The following MAP3K20 variants were observed in gnomAD, a reference collection of about 807,000 sequenced individuals.
MAP3K20 encodes the protein mitogen-activated protein kinase kinase kinase 20.
MAP3K20 carries 40 observed loss-of-function variants against 85.7 expected under a neutral mutation model. The observed-to-expected ratio is 0.47, with a 90% confidence interval of 0.36 to 0.61. The LOEUF is 0.61. Ranked by LOEUF, MAP3K20 falls within the 20% of genes least tolerant of loss-of-function variation. The probability of loss-of-function intolerance (pLI) is 0.00; values close to 1 mark genes in which losing one functional copy is unlikely to be tolerated. For synonymous variants in MAP3K20, 325 were observed against 327.7 expected (o/e 0.99, Z 0.09); for missense variants, 817 against 961.7 (o/e 0.85, Z 1.99).
At chr2:173,261,828 G>A (rs1419685684) in intron 18 of MAP3K20, among the ~76,000 whole-genome samples, 3 of 151,938 alleles carry the variant, frequency 2.0e-5, no homozygotes, top group African/African-American at 7.3e-5. Context: ...ACCAGCCTGG[G>A]CAGCATTATG....
At chr2:173,140,642 A>C (rs1047605717) in intron 2 of MAP3K20, among the ~76,000 whole-genome samples, 2 of 152,166 alleles carry the variant, frequency 1.3e-5, no homozygotes, top group African/African-American at 4.8e-5. Context: ...GAGCCACTGC[A>C]TCCAGCCCAG....
chr2:173,122,366 A>G (rs1688319916), intron 2 of MAP3K20, among the ~76,000 whole-genome samples: 1 of 152,162 alleles, frequency 6.6e-6, no homozygotes, highest in African/African-American at 2.4e-5. Context: ...TTCTTAGTCA[A>G]CTTGTGGGGA....
At chr2:173,126,462 C>T (rs1451572109) in intron 2 of MAP3K20, among the ~76,000 whole-genome samples, 1 of 152,186 alleles carries the variant, frequency 6.6e-6, no homozygotes, top group Non-Finnish European at 1.5e-5. Flanking sequence ...TAACTGCAAC[C>T]TCCACCTCCC....
Position 173,198,178 on chromosome 2 carries a change from T to G in MAP3K20, c.669+66T>G. The G allele has an allele frequency of 7.2e-7, 1 of 1,394,420 alleles. No individual in the cohort carries two copies. The highest frequency in any genetic ancestry group is 9.9e-7 in the Non-Finnish European group (1 of 1,006,044). The allele number at this position is 1,394,420 out of a possible 1,614,324, so 86.4% of individuals were successfully genotyped here. ...ACAGTATTGGGGTTTTGCAAAAGACTTTTTCATCTTCTTCAAATTGAAAGT... is the reference window on the plus strand; with the variant it reads ...ACAGTATTGGGGTTTTGCAAAAGACGTTTTCATCTTCTTCAAATTGAAAGT... On this transcript the variant is annotated intron_variant, in intron 8 of 19. Coordinates refer to ENST00000375213, the MANE Select transcript of MAP3K20 (RefSeq NM_016653.3). The surrounding 1 kb of genome is among the most constrained non-coding windows in gnomAD (Gnocchi z 5.8).
intron 2 of MAP3K20, among the ~76,000 whole-genome samples, chr2:173,158,449 A>G (rs1044018097): frequency 2.0e-5 from 3 of 152,170 alleles, no homozygotes; most frequent in African/African-American, 4.8e-5. Context: ...CAAAGACCCA[A>G]TTTTCTCAAC....
intron 2 of MAP3K20, among the ~76,000 whole-genome samples, chr2:173,135,633 C>CT (rs1176855144): frequency 1.3e-5 from 2 of 152,194 alleles, no homozygotes; most frequent in African/African-American, 4.8e-5. Context: ...AGTTTTAGAT[C>CT]TTTTCCTCCT....
intron 16 of MAP3K20, among the ~76,000 whole-genome samples, chr2:173,249,005 T>G (rs1345010): frequency 0.097 from 14,736 of 152,270 alleles, 1,498 homozygotes; most frequent in East Asian, 0.55. Context: ...GGCTTAGGTC[T>G]CTGGATCACC....
intron 16 of MAP3K20, among the ~76,000 whole-genome samples, chr2:173,247,296 T>G (rs1198334898): frequency 6.6e-6 from 1 of 152,172 alleles, no homozygotes; most frequent in Non-Finnish European, 1.5e-5. Context: ...TCCAGGCCCT[T>G]TCTCAGAGCA....
At chr2:173,222,170 C>T (rs1289075291) in intron 11 of MAP3K20, 2 of 960,746 alleles carry the variant, frequency 2.1e-6, no homozygotes, top group African/African-American at 1.8e-5. Context: ...GGCACCACTG[C>T]ACTCTAGCCT....
At chr2:173,084,770 A>G (rs1268835783) in intron 1 of MAP3K20, among the ~76,000 whole-genome samples, 3 of 152,232 alleles carry the variant, frequency 2.0e-5, no homozygotes, top group Non-Finnish European at 4.4e-5. Context: ...TAAAATAATG[A>G]GAAAACCATA....
intron 16 of MAP3K20, among the ~76,000 whole-genome samples, chr2:173,245,806 C>A (rs201662127): frequency 6.6e-6 from 1 of 152,154 alleles, no homozygotes; most frequent in Non-Finnish European, 1.5e-5. Flanking sequence ...GTGGCCTGCG[C>A]CTGTAGTCCC....
intron 2 of MAP3K20, among the ~76,000 whole-genome samples, chr2:173,153,372 A>G (rs1216057609): frequency 6.6e-6 from 1 of 152,168 alleles, no homozygotes; most frequent in Non-Finnish European, 1.5e-5. Context: ...CTCCATCCTC[A>G]TGGCCTGAAA....
intron 2 of MAP3K20, among the ~76,000 whole-genome samples, chr2:173,135,132 T>G (rs56676752): frequency 0.064 from 9,811 of 152,218 alleles, 970 homozygotes; most frequent in East Asian, 0.54. Flanking sequence ...ATGGCAAAGT[T>G]TATCTGGTCC....
At chr2:173,119,041 A>G (rs1688202357) in intron 2 of MAP3K20, among the ~76,000 whole-genome samples, 1 of 152,244 alleles carries the variant, frequency 6.6e-6, no homozygotes, top group African/African-American at 2.4e-5. Flanking sequence ...AAAATTATTA[A>G]CTAGTAAAAG....
intron 2 of MAP3K20, among the ~76,000 whole-genome samples, chr2:173,094,534 A>G (rs1160726277): frequency 6.6e-6 from 1 of 152,214 alleles, no homozygotes; most frequent in Non-Finnish European, 1.5e-5. Context: ...TATTGCATAT[A>G]ATCGACATGT....
At chr2:173,202,445 G>GCAAA (rs1691099907) in intron 8 of MAP3K20, among the ~76,000 whole-genome samples, 1 of 152,032 alleles carries the variant, frequency 6.6e-6, no homozygotes, top group South Asian at 2.1e-4. Flanking sequence ...AACTTCTTTG[G>GCAAA]CAAACAGAAC....
At chr2:173,260,629 T>C (rs975467492) in intron 17 of MAP3K20, among the ~76,000 whole-genome samples, 5 of 152,206 alleles carry the variant, frequency 3.3e-5, no homozygotes, top group Admixed American at 1.3e-4. Flanking sequence ...TGTGATGTCA[T>C]GGAAAGCAGA....
At chr2:173,084,238 A>G (rs1445449021) in intron 1 of MAP3K20, among the ~76,000 whole-genome samples, 2 of 152,160 alleles carry the variant, frequency 1.3e-5, no homozygotes, top group East Asian at 3.8e-4. Flanking sequence ...TTAAAAAATC[A>G]TCACTTGCAG....
chr2:173,207,996 T>C (rs112333278), intron 9 of MAP3K20, among the ~76,000 whole-genome samples: 8 of 152,354 alleles, frequency 5.3e-5, no homozygotes, highest in African/African-American at 1.9e-4. Flanking sequence ...ATTTTAAGAA[T>C]GATTAAATGT....
Sources: allele counts gnomAD v4.1 joint callset (sites outside exome capture counted in the v4.1 genomes callset), GRCh38; gene constraint gnomAD v4.1.1; non-coding constraint Gnocchi (gnomAD v3.1); transcripts MANE v1.5; gene names NCBI Gene and HGNC (gene_info 2026-07-23, HGNC 2026-07-21).